Variants in CDH3 observed in about 807,000 individuals in gnomAD.
The protein encoded by CDH3 is cadherin 3.
In CDH3, 54 loss-of-function variants were observed where a neutral mutation model predicts 82.0. That is an observed-to-expected ratio of 0.66 (90% CI 0.53 to 0.83). The LOEUF is 0.83. CDH3 is among the 40% of genes least tolerant of loss of function. The pLI is 0.00. For missense variants in CDH3, 1,054 were observed against 1,084.6 expected, an observed-to-expected ratio of 0.97 and a Z score of 0.40; for synonymous variants, 446 against 437.9, an observed-to-expected ratio of 1.02 and a Z score of -0.23.
chr16:68,721,480 C>T (rs1361407391), intron 1 of CDH3, among the ~76,000 whole-genome samples: 3 of 151,990 alleles, frequency 2.0e-5, no homozygotes, highest in Non-Finnish European at 4.4e-5. Flanking sequence ...ATGATCAACC[C>T]GCCTTGGCCT....
At chr16:68,681,810 C>T (rs1053279031) in intron 8 of CDH3, among the ~76,000 whole-genome samples, 6 of 152,166 alleles carry the variant, frequency 3.9e-5, no homozygotes, top group Non-Finnish European at 8.8e-5. Flanking sequence ...TGCACTCCAG[C>T]CTGAGCGGCA....
chr16:68,655,629 A>G (rs1309175138), intron 2 of CDH3, among the ~76,000 whole-genome samples: 1 of 152,134 alleles, frequency 6.6e-6, no homozygotes, highest in Non-Finnish European at 1.5e-5. Context: ...GGATCACTTG[A>G]GGTCAGGAGT....
chr16:68,680,822 G>T, intron 7 of CDH3, 146 bp from the exon 8 acceptor site: 1 of 838,964 alleles, frequency 1.2e-6, no homozygotes, highest in Non-Finnish European at 2.0e-6. Flanking sequence ...CTGGCAGTGG[G>T]TGAGGGGTGG....
chr16:68,686,908 C>T (rs1409287199), intron 11 of CDH3, among the ~76,000 whole-genome samples: 1 of 152,230 alleles, frequency 6.6e-6, no homozygotes, highest in Non-Finnish European at 1.5e-5. Context: ...GTGGTGGTTG[C>T]AGTGAGCCGA....
intron 2 of CDH3, among the ~76,000 whole-genome samples, chr16:68,723,165 C>T (rs572781393): frequency 6.6e-6 from 1 of 151,980 alleles, no homozygotes; most frequent in African/African-American, 2.4e-5. Context: ...ACTCACCACT[C>T]AGCCCAATTC....
At chr16:68,684,412 G>A (rs1280323453) in intron 9 of CDH3, among the ~76,000 whole-genome samples, 171 bp from the exon 10 acceptor site, 2 of 152,170 alleles carry the variant, frequency 1.3e-5, no homozygotes, top group African/African-American at 2.4e-5. Flanking sequence ...CCCATTAGAT[G>A]TGCACTCAGG....
chr16:68,718,179 A>AT, intron 1 of CDH3, among the ~76,000 whole-genome samples: 1 of 151,094 alleles, frequency 6.6e-6, no homozygotes, highest in African/African-American at 2.4e-5. Context: ...TAGTTTTTGT[A>AT]TTTTTTCTAG....
At chr16:68,661,999 C>G (rs1197502056) in intron 2 of CDH3, among the ~76,000 whole-genome samples, 2 of 152,246 alleles carry the variant, frequency 1.3e-5, no homozygotes, top group African/African-American at 4.8e-5. Context: ...CCAATCACTA[C>G]TAAACATATA....
rs371682154 is a variant in CDH3 at position 68,678,877 on chromosome 16, G to A, written c.662G>A (p.Arg221Gln). The change falls in exon 6 of 16, where the codon CGA (arginine) becomes CAA (glutamine). Residue 221 changes from arginine (R) to glutamine (Q), a missense_variant. Coordinates refer to ENST00000264012, the MANE Select transcript of CDH3 (RefSeq NM_001793.6). ...HKPKFTQDTF[R>Q]GSVLEGVLPG... Reference sequence around the variant, plus strand: ...CCCAAGTTTACCCAGGACACCTTCCGAGGGAGTGTCTTAGAGGGAGTCCTA... The same window carrying A: ...CCCAAGTTTACCCAGGACACCTTCCAAGGGAGTGTCTTAGAGGGAGTCCTA... 66 of 1,613,884 alleles carry A rather than the reference G, an allele frequency of 4.1e-5. No homozygotes were observed. Among genetic ancestry groups the A allele is most frequent in the African/African-American group, 2.1e-4 (16 of 74,936 alleles).
intron 1 of CDH3, among the ~76,000 whole-genome samples, chr16:68,712,032 G>GTTTTTTT (rs1322776953): frequency 3.5e-5 from 3 of 86,004 alleles, no homozygotes; most frequent in African/African-American, 4.3e-5. Flanking sequence ...GGGTTTTTTT[G>GTTTTTTT]TTTTCTTTTT....
Position 68,687,753 on chromosome 16 carries a change from T to G in CDH3, c.1795+17T>G. ...ACGAGGAAGGTACCTGAGTGAGTGG[T>G]GGTAGCGGGTGGGGTGCCAGCCCCA... On this transcript the variant is annotated intron_variant, in intron 12 of 15. Coordinates refer to ENST00000264012, the MANE Select transcript of CDH3 (RefSeq NM_001793.6). 1.3e-6 allele frequency: 2 copies of G among 1,589,658 alleles called. No homozygotes were observed. Among genetic ancestry groups the G allele is most frequent in the Non-Finnish European group, 8.6e-7 (1 of 1,158,434 alleles).
rs754454265 is a variant in CDH3 at position 68,676,487 on chromosome 16, A to G, written c.246+17A>G. ...ACAGTCCAGGTAAAATACCATGTCC[A>G]CCTGCAGGACAAAAGAAAGATGTTC... On this transcript the variant is annotated intron_variant, in intron 3 of 15. Coordinates refer to ENST00000264012, the MANE Select transcript of CDH3 (RefSeq NM_001793.6). The G allele has an allele frequency of 6.1e-5, 96 of 1,580,110 alleles. No individual in the cohort carries two copies. The highest frequency in any genetic ancestry group is 8.1e-5 in the Non-Finnish European group (93 of 1,148,956).
At chr16:68,686,334 C>A (rs751264093) in intron 11 of CDH3, 24 of 923,088 alleles carry the variant, frequency 2.6e-5, no homozygotes, top group Non-Finnish European at 3.9e-5. Flanking sequence ...TCTCTCCTTG[C>A]GGCGCTACAC....
At chr16:68,709,387 C>T (rs546240307) in intron 1 of CDH3, among the ~76,000 whole-genome samples, 1 of 152,194 alleles carries the variant, frequency 6.6e-6, no homozygotes, top group East Asian at 1.9e-4. Context: ...GCACTCTTGT[C>T]AATTAGAGTG....
intron 2 of CDH3, among the ~76,000 whole-genome samples, chr16:68,663,934 T>G (rs940348660): frequency 1.3e-5 from 2 of 151,824 alleles, no homozygotes; most frequent in Non-Finnish European, 2.9e-5. Context: ...TCATTTAGCT[T>G]TAGGTATATC....
chr16:68,726,583 T>C (rs922744251), intron 2 of CDH3, among the ~76,000 whole-genome samples: 10 of 149,712 alleles, frequency 6.7e-5, no homozygotes, highest in Non-Finnish European at 1.0e-4. Context: ...TTGGTTGTTT[T>C]TTTTTTTTTT....
chr16:68,682,732 C>G (rs1208287901), intron 9 of CDH3, among the ~76,000 whole-genome samples: 1 of 152,138 alleles, frequency 6.6e-6, no homozygotes, highest in African/African-American at 2.4e-5. Flanking sequence ...GGAGCCTCCT[C>G]CCAGACCACA....
In CDH3 at chr16:68,685,341, A is replaced by G; in HGVS notation, c.1561A>G (p.Met521Val). ...CATCTATGAAGTCATGGTCTTGGCCATGGACAATGGTGAGAGCATCCTCCC... is the reference window on the plus strand; with the variant it reads ...CATCTATGAAGTCATGGTCTTGGCCGTGGACAATGGTGAGAGCATCCTCCC... ...NNIYEVMVLA[M>V]DNGSPPTTGT... Residue 521 changes from methionine (M) to valine (V), a missense_variant, in exon 11 of 16, where the codon ATG (methionine) becomes GTG (valine). Physicochemically the swap from Met to Val is conservative, Grantham distance 21. Coordinates refer to ENST00000264012, the MANE Select transcript of CDH3 (RefSeq NM_001793.6). 1 of 1,614,072 alleles carries G rather than the reference A, an allele frequency of 6.2e-7. No homozygotes were observed. Among genetic ancestry groups the G allele is most frequent in the Non-Finnish European group, 8.5e-7 (1 of 1,180,004 alleles).
At chr16:68,647,048 A>T (rs1597786361) in intron 2 of CDH3, among the ~76,000 whole-genome samples, 1 of 152,280 alleles carries the variant, frequency 6.6e-6, no homozygotes, top group East Asian at 1.9e-4. Flanking sequence ...AGGCTCCTTA[A>T]ACCCTTGGCT....
Sources: gnomAD v4.1 joint callset for allele counts (sites outside exome capture counted in the v4.1 genomes callset) on GRCh38, gnomAD v4.1.1 for gene constraint, MANE v1.5 for transcripts, NCBI Gene and HGNC (gene_info 2026-07-23, HGNC 2026-07-21) for gene names.